The following ZNF215 variants were observed in gnomAD, a reference collection of about 807,000 sequenced individuals.
The protein encoded by ZNF215 is zinc finger protein 215.
ZNF215 carries 24 observed loss-of-function variants against 27.2 expected under a neutral mutation model. The observed-to-expected ratio is 0.88, with a 90% CI of 0.64 to 1.24. The LOEUF (loss-of-function observed/expected upper bound fraction) is 1.24. Ranked by LOEUF, ZNF215 falls within the 50% of genes most tolerant of loss-of-function variation. ZNF215 has a pLI of 0.00. For missense variants in ZNF215, 675 were observed against 605.7 expected (o/e 1.11, Z -1.20); for synonymous variants, 210 against 204.0 (o/e 1.03, Z -0.25).
intron 6 of ZNF215, among the ~76,000 whole-genome samples, chr11:6,952,927 C>T (rs917819487): frequency 1.2e-4 from 18 of 151,858 alleles, no homozygotes; most frequent in Admixed American, 7.2e-4. Context: ...TAGGGCAGGC[C>T]TGGTGGTGAC....
intron 3 of ZNF215, among the ~76,000 whole-genome samples, chr11:6,933,432 A>C (rs912480198): frequency 1.3e-5 from 2 of 152,188 alleles, no homozygotes; most frequent in African/African-American, 4.8e-5. Flanking sequence ...AAGATTTGGA[A>C]GCTTATATGT....
intron 6 of ZNF215, among the ~76,000 whole-genome samples, chr11:6,953,923 TC>T (rs1850201199): frequency 6.6e-6 from 1 of 152,196 alleles, no homozygotes; most frequent in African/African-American, 2.4e-5. Context: ...GGTGTGGATG[TC>T]CTTTCTGTTT....
chr11:6,974,076 G>A (rs1403529853), intron 5 of ZNF215, among the ~76,000 whole-genome samples: 1 of 152,088 alleles, frequency 6.6e-6, no homozygotes, highest in African/African-American at 2.4e-5. Flanking sequence ...TTTGTATAAG[G>A]TGTAAGGAAG....
At chr11:6,971,401 A>G (rs1309859007) in intron 5 of ZNF215, among the ~76,000 whole-genome samples, 1 of 152,128 alleles carries the variant, frequency 6.6e-6, no homozygotes, top group Non-Finnish European at 1.5e-5. Flanking sequence ...AGCTTGTATT[A>G]CAGTCTTTTT....
intron 3 of ZNF215, among the ~76,000 whole-genome samples, chr11:6,939,309 G>A (rs951648422): frequency 6.6e-6 from 1 of 152,152 alleles, no homozygotes; most frequent in African/African-American, 2.4e-5. Flanking sequence ...AGTAACTGAA[G>A]TTTTTATTGG....
chr11:6,992,665 T>C (rs1030192329), downstream of ZNF215, among the ~76,000 whole-genome samples: 9 of 152,168 alleles, frequency 5.9e-5, no homozygotes, highest in East Asian at 1.9e-4. Context: ...GAATCAACCA[T>C]TGGGACTTTT....
rs187962492 is a variant in ZNF215, at chr11:6,955,193, A to G, written c.713-497A>G. 6.0e-3 allele frequency among the ~76,000 whole-genome samples: 913 copies of G among 152,280 alleles called. 2 individuals carry two copies. The highest frequency in any genetic ancestry group is 9.2e-3 in the Non-Finnish European group (628 of 68,004). On this transcript the variant is annotated intron_variant, in intron 6 of 6. Coordinates refer to ENST00000278319, the MANE Select transcript of ZNF215 (RefSeq NM_013250.4). ...ATATGTAGGGAGTAATTGTGGCTGT[A>G]TGGAAAATGGGGGCACTATGATTGC...
chr11:6,993,471 C>T (rs1590094451), downstream of ZNF215, among the ~76,000 whole-genome samples: 1 of 151,936 alleles, frequency 6.6e-6, no homozygotes, highest in Admixed American at 6.6e-5. Flanking sequence ...ATTTTAGGTA[C>T]TTCCTTCTGC....
intron 6 of ZNF215, among the ~76,000 whole-genome samples, chr11:6,953,450 C>G (rs963479226): frequency 7.2e-5 from 11 of 152,224 alleles, no homozygotes; most frequent in African/African-American, 2.4e-4. Context: ...ATTCTTTTTT[C>G]TCTAAACCTC....
chr11:6,950,511 A>G (rs1044311406), intron 6 of ZNF215, among the ~76,000 whole-genome samples: 3 of 151,940 alleles, frequency 2.0e-5, no homozygotes, highest in East Asian at 3.9e-4. Context: ...ATGGGAGTTC[A>G]CTCATGATTT....
chr11:6,952,120 C>A (rs945533196), intron 6 of ZNF215, among the ~76,000 whole-genome samples: 1 of 152,082 alleles, frequency 6.6e-6, no homozygotes, highest in Non-Finnish European at 1.5e-5. Context: ...AATTTCTATT[C>A]TTTTACATTT....
intron 6 of ZNF215, among the ~76,000 whole-genome samples, chr11:6,952,081 G>A (rs1272771466): frequency 6.6e-6 from 1 of 152,180 alleles, no homozygotes; most frequent in Non-Finnish European, 1.5e-5. Context: ...TAGTTTGATT[G>A]CACTGTGGTC....
chr11:6,972,075 A>T (rs542966852), intron 5 of ZNF215, among the ~76,000 whole-genome samples: 1 of 152,244 alleles, frequency 6.6e-6, no homozygotes, highest in African/African-American at 2.4e-5. Context: ...AAGACTACTC[A>T]TCTAGAACCT....
chr11:6,941,450 A>G (rs926938172), intron 3 of ZNF215, 121 bp from the exon 4 acceptor site: 3 of 782,042 alleles, frequency 3.8e-6, no homozygotes, highest in South Asian at 2.1e-5. Context: ...AGGGCCTGAC[A>G]TTATTTTTTT....
chr11:6,989,673 T>C (rs1200549080), downstream of ZNF215, among the ~76,000 whole-genome samples: 1 of 152,188 alleles, frequency 6.6e-6, no homozygotes, highest in Non-Finnish European at 1.5e-5. Flanking sequence ...TAAACTTGTA[T>C]CCATGGCCCT....
In ZNF215 at chr11:6,958,025, T is replaced by C; in HGVS notation, c.*1494T>C. 1 of 985,426 alleles carries C rather than the reference T, an allele frequency of 1.0e-6. No homozygotes were observed. Among genetic ancestry groups the C allele is most frequent in the Non-Finnish European group, 1.2e-6 (1 of 829,930 alleles). 61.0% of individuals were successfully genotyped at this position (985,426 alleles called of 1,614,324 possible). ...AAAGGTATACTGGAGTGAACTCCTA[T>C]GATTAAATAATGTCAAAATCTATGT... On this transcript the variant is annotated 3_prime_UTR_variant, in exon 7 of 7. Transcript: ENST00000278319.
chr11:6,975,075 C>T (rs1850802973), intron 5 of ZNF215, among the ~76,000 whole-genome samples: 1 of 152,040 alleles, frequency 6.6e-6, no homozygotes, highest in African/African-American at 2.4e-5. Flanking sequence ...CCATCAATAC[C>T]TAATTTATTG....
rs1850403576 is a variant in ZNF215 at position 6,957,382 on chromosome 11, G to A, written c.*851G>A. 1.0e-5 allele frequency: 2 copies of A among 193,714 alleles called. No individual in the cohort carries two copies. Among genetic ancestry groups the A allele is most frequent in the Non-Finnish European group, 1.9e-5 (2 of 106,108 alleles). The allele number at this position is 193,714 out of a possible 1,614,324, so 12.0% of individuals were successfully genotyped here. On this transcript the variant is annotated 3_prime_UTR_variant, in exon 7 of 7. Transcript: ENST00000278319. ...AATTATCTCAGTCTGAGTTTGTGAGGAAGTGTGCCCTGCAGTGGAATGGCT... is the reference window on the plus strand; with the variant it reads ...AATTATCTCAGTCTGAGTTTGTGAGAAAGTGTGCCCTGCAGTGGAATGGCT...
At chr11:6,949,961 A>T (rs377139855) in intron 6 of ZNF215, among the ~76,000 whole-genome samples, 17 of 151,844 alleles carry the variant, frequency 1.1e-4, no homozygotes, top group African/African-American at 2.9e-4. Flanking sequence ...GGCTAGCCAG[A>T]TTTCCCAGCA....
Sources: gnomAD v4.1 joint callset for allele counts (sites outside exome capture counted in the v4.1 genomes callset) on GRCh38, gnomAD v4.1.1 for gene constraint, MANE v1.5 for transcripts, NCBI Gene and HGNC (gene_info 2026-07-23, HGNC 2026-07-21) for gene names.